Variants in GPC6 observed in about 807,000 individuals in gnomAD.
GPC6 encodes glypican 6, also known as glypican-6.
GPC6 carries 14 observed loss-of-function variants against 55.2 expected under a neutral mutation model. That is an observed-to-expected ratio of 0.25 (90% CI 0.17 to 0.40). The LOEUF (loss-of-function observed/expected upper bound fraction) is 0.40, where lower values mean the gene tolerates loss of function less well. GPC6 is among the 10% of genes least tolerant of loss of function. The pLI is 1.00. For missense variants in GPC6, 641 were observed against 708.5 expected, an observed-to-expected ratio of 0.90 and a Z score of 1.08; for synonymous variants, 278 against 259.6, an observed-to-expected ratio of 1.07 and a Z score of -0.68.
intron 1 of GPC6, among the ~76,000 whole-genome samples, chr13:93,544,928 G>C (rs537752495): frequency 6.6e-6 from 1 of 152,078 alleles, no homozygotes; most frequent in African/African-American, 2.4e-5. Flanking sequence ...AGCATACATA[G>C]CTGTATTACA....
At chr13:94,205,007 AAAT>A (rs1275067230) in intron 4 of GPC6, among the ~76,000 whole-genome samples, 4 of 152,214 alleles carry the variant, frequency 2.6e-5, no homozygotes, top group African/African-American at 4.8e-5. Flanking sequence ...TGGATCAATC[AAAT>A]AATAATCTTT....
intron 4 of GPC6, among the ~76,000 whole-genome samples, chr13:94,150,147 C>T (rs951533217): frequency 3.9e-5 from 6 of 152,046 alleles, no homozygotes; most frequent in African/African-American, 7.2e-5. Flanking sequence ...GTATTAAAGG[C>T]GGATGCATCC....
At chr13:94,168,885 G>A (rs761775593) in intron 4 of GPC6, among the ~76,000 whole-genome samples, 1 of 151,986 alleles carries the variant, frequency 6.6e-6, no homozygotes, top group Non-Finnish European at 1.5e-5. Context: ...AGTAGGCCCT[G>A]GTGAAGACTG....
intron 6 of GPC6, among the ~76,000 whole-genome samples, chr13:94,329,952 A>C (rs1019841966): frequency 1.3e-5 from 2 of 152,208 alleles, no homozygotes; most frequent in Non-Finnish European, 2.9e-5. Flanking sequence ...GTGATTCATC[A>C]AAGGAGCTGA....
intron 1 of GPC6, among the ~76,000 whole-genome samples, chr13:93,473,106 G>T (rs1461731858): frequency 6.6e-6 from 1 of 152,200 alleles, no homozygotes; most frequent in African/African-American, 2.4e-5. Flanking sequence ...GCCCAGAAAA[G>T]TCACTGCAAT....
intron 6 of GPC6, among the ~76,000 whole-genome samples, chr13:94,357,477 C>T (rs1878855178): frequency 6.6e-6 from 1 of 152,232 alleles, no homozygotes; most frequent in Admixed American, 6.5e-5. Context: ...TCAGAAGCTG[C>T]ATGCATCGCC....
intron 1 of GPC6, among the ~76,000 whole-genome samples, chr13:93,524,419 G>A (rs1000472967): frequency 1.3e-5 from 2 of 152,018 alleles, no homozygotes; most frequent in Non-Finnish European, 2.9e-5. Context: ...AGCATAACTT[G>A]AGGGTCAAAT....
chr13:94,009,719 G>T (rs1001447261), intron 3 of GPC6, among the ~76,000 whole-genome samples: 3 of 152,150 alleles, frequency 2.0e-5, no homozygotes, highest in Non-Finnish European at 2.9e-5. Flanking sequence ...TTAAAAACTA[G>T]ATAGTGGCCT....
chr13:93,615,488 A>G (rs1454249317), intron 2 of GPC6, among the ~76,000 whole-genome samples: 2 of 152,134 alleles, frequency 1.3e-5, no homozygotes, highest in Non-Finnish European at 2.9e-5. Flanking sequence ...AACCACATCT[A>G]TCATGCCTTT....
intron 4 of GPC6, among the ~76,000 whole-genome samples, chr13:94,033,707 T>C (rs1471096301): frequency 6.6e-6 from 1 of 152,158 alleles, no homozygotes; most frequent in Non-Finnish European, 1.5e-5. Flanking sequence ...ATAGTAAATA[T>C]GATATGACAC....
intron 3 of GPC6, among the ~76,000 whole-genome samples, chr13:93,888,038 G>A (rs1875450513): frequency 6.6e-6 from 1 of 152,028 alleles, no homozygotes; most frequent in African/African-American, 2.4e-5. Flanking sequence ...ACAAAACCAA[G>A]AATGCCTTGA....
chr13:93,743,854 T>C (rs1207909350), intron 2 of GPC6, among the ~76,000 whole-genome samples: 2 of 152,224 alleles, frequency 1.3e-5, no homozygotes, highest in Non-Finnish European at 2.9e-5. Flanking sequence ...GTGAGTTTAC[T>C]TCAATCCTGA....
chr13:94,290,780 C>A (rs1265388020), intron 5 of GPC6, among the ~76,000 whole-genome samples: 1 of 152,140 alleles, frequency 6.6e-6, no homozygotes, highest in Non-Finnish European at 1.5e-5. Flanking sequence ...TACTAGAATG[C>A]AAATTAGACA....
At chr13:93,884,511 T>A (rs189374976) in intron 3 of GPC6, among the ~76,000 whole-genome samples, 196 of 152,234 alleles carry the variant, frequency 1.3e-3, no homozygotes, top group Admixed American at 2.4e-3. Flanking sequence ...ATAACTTTAC[T>A]GAAGATTTTG....
chr13:94,149,361 T>C (rs56140558), intron 4 of GPC6, among the ~76,000 whole-genome samples: 1,566 of 152,276 alleles, frequency 0.01, 31 homozygotes, highest in African/African-American at 0.036. Flanking sequence ...AAGGATATTA[T>C]TGGCACCAGA....
At chr13:93,713,503 T>C (rs1646084461) in intron 2 of GPC6, among the ~76,000 whole-genome samples, 1 of 151,716 alleles carries the variant, frequency 6.6e-6, no homozygotes, top group African/African-American at 2.4e-5. Context: ...TGGATTTATT[T>C]ATCTATTTAT....
chr13:93,788,731 C>G (rs1327081299), intron 2 of GPC6, among the ~76,000 whole-genome samples: 2 of 152,028 alleles, frequency 1.3e-5, no homozygotes, highest in African/African-American at 4.8e-5. Flanking sequence ...AGCAGGTAGG[C>G]AGGGCCAGAG....
At chr13:94,319,965 G>T (rs142621126) in intron 6 of GPC6, among the ~76,000 whole-genome samples, 6 of 152,034 alleles carry the variant, frequency 3.9e-5, no homozygotes, top group Admixed American at 6.6e-5. Flanking sequence ...TTGCTTCACC[G>T]TCTTTCACTC....
chr13:94,119,162 C>A (rs1223552990), intron 4 of GPC6, among the ~76,000 whole-genome samples: 1 of 151,842 alleles, frequency 6.6e-6, no homozygotes, highest in Non-Finnish European at 1.5e-5. Context: ...TACTGAGCAC[C>A]TACTATATGC....
Sources: allele counts gnomAD v4.1 joint callset (sites outside exome capture counted in the v4.1 genomes callset), GRCh38; gene constraint gnomAD v4.1.1; transcripts MANE v1.5; gene names NCBI Gene and HGNC (gene_info 2026-07-23, HGNC 2026-07-21).